The following GTF2I variants were observed in gnomAD, a reference collection of about 807,000 sequenced individuals.
The protein encoded by GTF2I is general transcription factor IIi.
In GTF2I, 12 loss-of-function variants were observed where a neutral mutation model predicts 67.6. The observed-to-expected ratio is 0.18, with a 90% CI of 0.11 to 0.29. GTF2I has a LOEUF of 0.29. Among genes scored for constraint, GTF2I ranks in the 10% least tolerant of loss-of-function variants. GTF2I has a pLI of 1.00. For synonymous variants in GTF2I, 149 were observed against 197.0 expected (o/e 0.76, Z 2.04); for missense variants, 271 against 580.1 (o/e 0.47, Z 5.47).
chr7:74,731,657 G>A (rs139563675), intron 14 of GTF2I, among the ~76,000 whole-genome samples: 5,186 of 150,274 alleles, frequency 0.035, 110 homozygotes, highest in Non-Finnish European at 0.047. Flanking sequence ...CAATTCTCCT[G>A]TCTGAGCCTC....
At chr7:74,712,403 A>G (rs982909518) in intron 9 of GTF2I, among the ~76,000 whole-genome samples, 1 of 150,982 alleles carries the variant, frequency 6.6e-6, no homozygotes, top group African/African-American at 2.4e-5. Flanking sequence ...TTTTCTCTCT[A>G]TTCTTAAGTT....
intron 1 of GTF2I, among the ~76,000 whole-genome samples, chr7:74,673,563 TAG>T (rs1805639162): frequency 6.6e-6 from 1 of 151,626 alleles, no homozygotes; most frequent in Non-Finnish European, 1.5e-5. Context: ...GTATTTTTAG[TAG>T]AGACAAGGTT....
chr7:74,686,895 G>T (rs868982238), intron 1 of GTF2I, among the ~76,000 whole-genome samples: 2,517 of 142,306 alleles, frequency 0.018, 25 homozygotes, highest in African/African-American at 0.032. Context: ...TTTTGTTTTT[G>T]TTTTTTTTTT....
chr7:74,680,868 A>G (rs934906352), intron 1 of GTF2I, among the ~76,000 whole-genome samples: 11 of 152,222 alleles, frequency 7.2e-5, no homozygotes, highest in African/African-American at 2.2e-4. Flanking sequence ...TTGAGGAAGA[A>G]TGGATCAGAA....
intron 9 of GTF2I, among the ~76,000 whole-genome samples, chr7:74,713,914 G>T (rs782090613): frequency 1.3e-5 from 2 of 152,130 alleles, no homozygotes; most frequent in Non-Finnish European, 2.9e-5. Flanking sequence ...ATTCCAAATA[G>T]AAACTATTTC....
intron 1 of GTF2I, among the ~76,000 whole-genome samples, chr7:74,667,574 G>A (rs1805089453): frequency 6.6e-6 from 1 of 151,324 alleles, no homozygotes; most frequent in South Asian, 2.1e-4. Flanking sequence ...GGAGTGCAGT[G>A]GTATGCTTTT....
At chr7:74,704,744 C>T (rs1790363303) in intron 6 of GTF2I, among the ~76,000 whole-genome samples, 1 of 151,104 alleles carries the variant, frequency 6.6e-6, no homozygotes, top group African/African-American at 2.4e-5. Flanking sequence ...GTCCCAGCTA[C>T]TCAGGAGGCT....
At position 74,704,284 on chromosome 7, in the gene GTF2I, A is replaced by ATTTATTTATTTT. The variant is rs1485628289; in HGVS notation, c.587-867_587-856dup. 5.7e-3 allele frequency among the ~76,000 whole-genome samples: 847 copies of ATTTATTTATTTT among 149,250 alleles called. 12 individuals carry two copies. Among genetic ancestry groups the ATTTATTTATTTT allele is most frequent in the African/African-American group, 0.019 (763 of 40,746 alleles). On this transcript the variant is annotated intron_variant, in intron 6 of 34. Transcript: ENST00000573035. The stretch of plus-strand genomic sequence containing the variant: ...AATTATTATTTTTATTTATTTATTT[A>ATTTATTTATTTT]TTTATTTATTTTTTTATTTATTTTG...
At chr7:74,689,951 A>G (rs984022461) in intron 2 of GTF2I, among the ~76,000 whole-genome samples, 3 of 151,766 alleles carry the variant, frequency 2.0e-5, no homozygotes, top group Non-Finnish European at 4.4e-5. Flanking sequence ...TCCCGACCTC[A>G]GGTGATCCAC....
At chr7:74,732,118 T>C (rs868929796) in intron 14 of GTF2I, among the ~76,000 whole-genome samples, 10 of 147,616 alleles carry the variant, frequency 6.8e-5, no homozygotes, top group Middle Eastern at 3.6e-3. Context: ...TACATATATA[T>C]GTATATATAC....
chr7:74,673,776 G>A (rs1562939873), intron 1 of GTF2I, among the ~76,000 whole-genome samples: 1 of 149,480 alleles, frequency 6.7e-6, no homozygotes, highest in Non-Finnish European at 1.5e-5. Context: ...CACCTCCCAG[G>A]TTCAAGCGAT....
rs587616973 is a variant in GTF2I, at chr7:74,719,336, G to T, written c.943+395G>T. 4.9e-4 allele frequency among the ~76,000 whole-genome samples: 75 copies of T among 152,318 alleles called. 1 individual carries two copies. Among genetic ancestry groups the T allele is most frequent in the Middle Eastern group, 6.8e-3 (2 of 294 alleles). ...TGGAGGAGAAAGTGTTGATAGTTTAGTGAGTAATTTTTAAAGCAAGTCCCT... is the reference window on the plus strand; with the variant it reads ...TGGAGGAGAAAGTGTTGATAGTTTATTGAGTAATTTTTAAAGCAAGTCCCT... On this transcript the variant is annotated intron_variant, in intron 12 of 34. Transcript: ENST00000573035.
intron 2 of GTF2I, among the ~76,000 whole-genome samples, chr7:74,690,612 C>T (rs1788195706): frequency 1.3e-5 from 2 of 152,130 alleles, no homozygotes; most frequent in South Asian, 4.1e-4. Flanking sequence ...TCCACCCTTT[C>T]CCAGGGGAGG....
intron 1 of GTF2I, among the ~76,000 whole-genome samples, chr7:74,687,042 C>T (rs1470566754): frequency 6.6e-6 from 1 of 151,412 alleles, no homozygotes; most frequent in Non-Finnish European, 1.5e-5. Flanking sequence ...GATGGTACAC[C>T]ACCATGCCTG....
chr7:74,659,144 A>G (rs1248746481), intron 1 of GTF2I, among the ~76,000 whole-genome samples: 1 of 151,826 alleles, frequency 6.6e-6, no homozygotes, highest in African/African-American at 2.4e-5. Context: ...GCTGGTCTTG[A>G]ACTCCTAGGC....
chr7:74,708,525 C>T (rs1460540773), intron 8 of GTF2I, among the ~76,000 whole-genome samples: 3 of 152,040 alleles, frequency 2.0e-5, no homozygotes, highest in Non-Finnish European at 4.4e-5. Context: ...CATTGCCAGC[C>T]GGGCACAGCT....
At chr7:74,706,320 G>C in intron 7 of GTF2I, 70 bp from the exon 8 acceptor site, 1 of 1,313,438 alleles carries the variant, frequency 7.6e-7, no homozygotes. Context: ...TTGAGACCCA[G>C]AGACTTTGAA....
chr7:74,703,843 G>A (rs1372164103), intron 6 of GTF2I, among the ~76,000 whole-genome samples: 1 of 152,148 alleles, frequency 6.6e-6, no homozygotes, highest in East Asian at 1.9e-4. Flanking sequence ...CAAGGTAAAG[G>A]TATAAATTCA....
chr7:74,699,909 C>A, intron 4 of GTF2I: 1 of 216,392 alleles, frequency 4.6e-6, no homozygotes, highest in Non-Finnish European at 9.3e-6. Context: ...GTTGGATGTG[C>A]TGGGCTTCTG....
Sources: gnomAD v4.1 joint callset for allele counts (sites outside exome capture counted in the v4.1 genomes callset) on GRCh38, gnomAD v4.1.1 for gene constraint, MANE v1.5 for transcripts, NCBI Gene and HGNC (gene_info 2026-07-23, HGNC 2026-07-21) for gene names.